Variants in FAM222B observed in about 807,000 individuals in gnomAD.
FAM222B encodes family with sequence similarity 222 member B.
In FAM222B, 12 loss-of-function variants were observed where a neutral mutation model predicts 38.0. That is an observed-to-expected ratio of 0.32 (90% CI 0.20 to 0.51). The LOEUF (loss-of-function observed/expected upper bound fraction) is 0.51, where lower values mean the gene tolerates loss of function less well. Ranked by LOEUF, FAM222B falls within the 20% of genes least tolerant of loss-of-function variation. The pLI is 0.97. For missense variants in FAM222B, 716 were observed against 754.2 expected, an observed-to-expected ratio of 0.95 and a Z score of 0.59; for synonymous variants, 329 against 317.2, an observed-to-expected ratio of 1.04 and a Z score of -0.40.
chr17:28,781,508 T>C (rs947278282), intron 1 of FAM222B, among the ~76,000 whole-genome samples: 7 of 152,032 alleles, frequency 4.6e-5, no homozygotes, highest in African/African-American at 1.7e-4. Flanking sequence ...AGAACTACCA[T>C]ATGATCCAGC....
intron 2 of FAM222B, among the ~76,000 whole-genome samples, chr17:28,760,492 A>G (rs1472792466): frequency 1.3e-5 from 2 of 151,992 alleles, no homozygotes; most frequent in Non-Finnish European, 2.9e-5. Context: ...AGGAGGATTA[A>G]TTGCTTGAAC....
intron 1 of FAM222B, among the ~76,000 whole-genome samples, chr17:28,851,721 C>T (rs1438400387): frequency 2.0e-5 from 3 of 151,650 alleles, no homozygotes; most frequent in African/African-American, 7.3e-5. Context: ...ACTAAAAATA[C>T]AAAAATTAGC....
intron 1 of FAM222B, among the ~76,000 whole-genome samples, chr17:28,831,592 C>T (rs564644939): frequency 6.6e-5 from 10 of 150,860 alleles, no homozygotes; most frequent in South Asian, 2.1e-4. Context: ...CTGCAACCTC[C>T]GCCTTCTGGG....
At chr17:28,772,885 ACT>A (rs1261034134) in intron 1 of FAM222B, among the ~76,000 whole-genome samples, 3 of 152,218 alleles carry the variant, frequency 2.0e-5, no homozygotes, top group African/African-American at 7.2e-5. Context: ...ACAGAGCGAG[ACT>A]CTGTCTCAAA....
chr17:28,817,721 A>AAAT (rs990838794), intron 1 of FAM222B, among the ~76,000 whole-genome samples: 4 of 152,098 alleles, frequency 2.6e-5, no homozygotes, highest in Non-Finnish European at 4.4e-5. Flanking sequence ...TTCCATCTCA[A>AAAT]AATAATAATA....
intron 1 of FAM222B, among the ~76,000 whole-genome samples, chr17:28,820,506 T>C (rs879689895): frequency 2.6e-5 from 4 of 152,228 alleles, no homozygotes; most frequent in Middle Eastern, 3.2e-3. Flanking sequence ...AGTGTTTCTA[T>C]TGATTGGCTG....
chr17:28,843,778 C>G (rs183947844), upstream of FAM222B, among the ~76,000 whole-genome samples: 1 of 152,084 alleles, frequency 6.6e-6, no homozygotes, highest in East Asian at 1.9e-4. Context: ...ATGATCGTGT[C>G]TAGAATGTAT....
At chr17:28,800,530 T>C (rs1025280025) in intron 1 of FAM222B, among the ~76,000 whole-genome samples, 2 of 152,156 alleles carry the variant, frequency 1.3e-5, no homozygotes, top group Non-Finnish European at 2.9e-5. Context: ...AATGACACAT[T>C]TCAGTTGGGA....
chr17:28,773,003 A>C (rs2035712385), intron 1 of FAM222B, among the ~76,000 whole-genome samples: 1 of 152,154 alleles, frequency 6.6e-6, no homozygotes, highest in Non-Finnish European at 1.5e-5. Context: ...CAGACTCCAG[A>C]AAGTCAACTT....
intron 1 of FAM222B, among the ~76,000 whole-genome samples, chr17:28,780,160 C>T (rs974969672): frequency 4.0e-5 from 6 of 151,888 alleles, no homozygotes; most frequent in African/African-American, 9.7e-5. Flanking sequence ...TTAGTAGAGA[C>T]GGGGTTTCAC....
At position 28,806,664 on chromosome 17, in the gene FAM222B, A is replaced by G. The variant is rs117162913; in HGVS notation, c.-41+36018T>C. ...AACAACTTTATTTTTTCTTTCTCCA[A>G]TACCTCATCTTGAGCATTCTTCTTT... On this transcript the variant is annotated intron_variant, in intron 1 of 2. Coordinates refer to ENST00000581407, the MANE Select transcript of FAM222B (RefSeq NM_001077498.3). 3.5e-3 allele frequency among the ~76,000 whole-genome samples: 539 copies of G among 152,244 alleles called. 2 individuals are homozygous for G. The highest frequency in any genetic ancestry group is 5.7e-3 in the Non-Finnish European group (390 of 68,022).
rs370487622 is a variant in FAM222B, at chr17:28,758,622, T to A, written c.1337A>T (p.Asn446Ile). The A allele has an allele frequency of 6.2e-7, 1 of 1,611,714 alleles. No individual in the cohort carries two copies. Among genetic ancestry groups the A allele is most frequent in the Non-Finnish European group, 8.5e-7 (1 of 1,179,832 alleles). The change falls in exon 3 of 3, where the codon AAT becomes ATT. Residue 446 changes from asparagine (N) to isoleucine (I), a missense_variant. By Grantham distance (149) the Asn-to-Ile change is moderately radical. Transcript: ENST00000581407. The stretch of plus-strand genomic sequence containing the variant: ...CCACAGGGGTTGGAAGTAGTGACCA[T>A]TGGGGTAGGCCAATGGGGCTGCCAT... ...NGMAAPLAYP[N>I]GHYFQPLWNN...
chr17:28,769,352 T>TTTGTTGTTG (rs2035507776), intron 1 of FAM222B, among the ~76,000 whole-genome samples: 1 of 152,064 alleles, frequency 6.6e-6, no homozygotes, highest in African/African-American at 2.4e-5. Context: ...ATAATTTTTT[T>TTTGTTGTTG]TTGTATTTTT....
chr17:28,770,440 TCAGCCAGGCTGGAGTG>T (rs1366097796), intron 1 of FAM222B, among the ~76,000 whole-genome samples: 2 of 152,204 alleles, frequency 1.3e-5, no homozygotes, highest in Non-Finnish European at 2.9e-5. Flanking sequence ...AGACAGCCTA[TCAGCCAGGCTGGAGTG>T]CAGCAGTGCC....
chr17:28,777,315 G>A (rs1466216909), intron 1 of FAM222B: 1 of 152,168 alleles, frequency 6.6e-6, no homozygotes, highest in Non-Finnish European at 1.5e-5. Context: ...TGTCACAACA[G>A]GTCCTCTTCC....
At chr17:28,780,899 G>A (rs535213306) in intron 1 of FAM222B, among the ~76,000 whole-genome samples, 1 of 151,228 alleles carries the variant, frequency 6.6e-6, no homozygotes, top group Non-Finnish European at 1.5e-5. Flanking sequence ...AAAACCCAAA[G>A]AAACAAAAAC....
chr17:28,759,803 G>A lies in FAM222B; in HGVS notation c.156C>T (p.Val52=), dbSNP rs374617928. The A allele has an allele frequency of 1.0e-5, 16 of 1,606,178 alleles. No individual in the cohort carries two copies. In the African/African-American group the frequency reaches 1.5e-4, roughly 15 times the overall value. The change falls in exon 3 of 3, where the codon GTC becomes GTT. Residue 52 remains valine, a synonymous_variant. Transcript: ENST00000581407. The surrounding 1 kb of genome is among the most constrained non-coding windows in gnomAD (Gnocchi z 4.8). ...TTTTTATAGTCAGTGGGTTGTTTGC[G>A]ACCTTCTTAGCATACGCATCCAATT... ...PAELDAYAKK[V]ANNPLTIKIF...
At chr17:28,771,410 G>C (rs956501222) in intron 1 of FAM222B, among the ~76,000 whole-genome samples, 1 of 152,144 alleles carries the variant, frequency 6.6e-6, no homozygotes, top group Non-Finnish European at 1.5e-5. Flanking sequence ...GGCTGGGCGT[G>C]GTGGCTCAAG....
chr17:28,831,341 T>C (rs1321800790), intron 1 of FAM222B, among the ~76,000 whole-genome samples: 3 of 152,004 alleles, frequency 2.0e-5, no homozygotes, highest in Non-Finnish European at 4.4e-5. Context: ...TATGTATCTA[T>C]CCTTCTGCCA....
Sources: gnomAD v4.1 joint callset for allele counts (sites outside exome capture counted in the v4.1 genomes callset) on GRCh38, gnomAD v4.1.1 for gene constraint, Gnocchi (gnomAD v3.1) non-coding constraint, MANE v1.5 for transcripts, NCBI Gene and HGNC (gene_info 2026-07-23, HGNC 2026-07-21) for gene names.